GBP1: variants seen among roughly 807,000 people sequenced by gnomAD.
GBP1 encodes the protein guanylate binding protein 1, also known as guanylate-binding protein 1.
A neutral mutation model predicts 69.5 loss-of-function variants in GBP1; 64 were observed. The observed-to-expected ratio is 0.92, with a 90% CI of 0.75 to 1.13. The LOEUF is 1.13. Among genes scored for constraint, GBP1 ranks in the 50% most tolerant of loss-of-function variants. The probability of loss-of-function intolerance (pLI) is 0.00; values close to 1 mark genes in which losing one functional copy is unlikely to be tolerated. For synonymous variants in GBP1, 250 were observed against 261.2 expected, an observed-to-expected ratio of 0.96 and a Z score of 0.41; for missense variants, 630 against 704.1, an observed-to-expected ratio of 0.89 and a Z score of 1.19.
chr1:89,062,856 A>G (rs1557751592), intron 2 of GBP1, 189 bp downstream of exon 2: 2 of 653,920 alleles, frequency 3.1e-6, no homozygotes, highest in Non-Finnish European at 5.1e-6. Flanking sequence ...AAACTAAGGT[A>G]TCATGGGAAT....
chr1:89,064,294 T>C (rs6682273), intron 1 of GBP1, among the ~76,000 whole-genome samples: 114,333 of 147,184 alleles, frequency 0.78, 44,326 homozygotes, highest in African/African-American at 0.82. Context: ...AGACCAGAGG[T>C]GATGAATGAG....
intron 2 of GBP1, among the ~76,000 whole-genome samples, chr1:89,061,112 C>T (rs1411722965): frequency 6.6e-6 from 1 of 152,122 alleles, no homozygotes; most frequent in Non-Finnish European, 1.5e-5. Flanking sequence ...GTCACTACTA[C>T]CCAAAGTGAT....
chr1:89,055,294 TTC>T (rs71966196), intron 8 of GBP1, 79 bp from the exon 9 acceptor site: 1 of 1,591,832 alleles, frequency 6.3e-7, no homozygotes, highest in Non-Finnish European at 8.5e-7. Context: ...CTGCCATCCT[TTC>T]TCCTCTGGGA....
At chr1:89,059,250 G>A in intron 4 of GBP1, 67 bp downstream of exon 4, 6 of 1,613,936 alleles carry the variant, frequency 3.7e-6, no homozygotes, top group Non-Finnish European at 5.1e-6. Flanking sequence ...TTCACAGTCA[G>A]GCAGCTGGTG....
At chr1:89,055,355 A>G in intron 8 of GBP1, 140 bp from the exon 9 acceptor site, 1 of 1,413,476 alleles carries the variant, frequency 7.1e-7, no homozygotes, top group Non-Finnish European at 9.5e-7. Flanking sequence ...TCCCTGTCGG[A>G]GCGACAGACA....
rs774025055 is a variant in GBP1, at chr1:89,060,335, G to A, written c.191-11C>T. On this transcript the variant is annotated splice_polypyrimidine_tract_variant and intron_variant, in intron 2 of 10. Coordinates refer to ENST00000370473, the MANE Select transcript of GBP1 (RefSeq NM_002053.3). ...AGCCCAGAGAGAAGCCTGCAAGGGAGAGAGGAGACCAGCGATGGGGATTTA... is the reference window on the plus strand; with the variant it reads ...AGCCCAGAGAGAAGCCTGCAAGGGAAAGAGGAGACCAGCGATGGGGATTTA... 3.9e-6 allele frequency: 6 copies of A among 1,556,954 alleles called. No homozygotes were observed. In the South Asian group the frequency reaches 6.0e-5, roughly 16 times the overall value.
At chr1:89,058,349 A>C (rs1329988831) in intron 5 of GBP1, 115 bp from the exon 6 acceptor site, 2 of 877,130 alleles carry the variant, frequency 2.3e-6, no homozygotes, top group Admixed American at 2.4e-5. Flanking sequence ...CAAGTATTCA[A>C]CTCTGTTATT....
chr1:89,054,355 C>T (rs1260797949), intron 10 of GBP1, among the ~76,000 whole-genome samples: 2 of 152,174 alleles, frequency 1.3e-5, no homozygotes, highest in Non-Finnish European at 2.9e-5. Flanking sequence ...CCGCCTTGGC[C>T]TCCCAGAGTG....
intron 10 of GBP1, among the ~76,000 whole-genome samples, chr1:89,054,139 G>A (rs1570934634): frequency 6.6e-6 from 1 of 151,374 alleles, no homozygotes; most frequent in East Asian, 2.0e-4. Flanking sequence ...TCGCTCTGTT[G>A]CCCAGGCTGG....
chr1:89,060,059 T>A, intron 3 of GBP1, 138 bp downstream of exon 3: 2 of 759,506 alleles, frequency 2.6e-6, no homozygotes, highest in Non-Finnish European at 3.9e-6. Flanking sequence ...GACACTGGGA[T>A]TATTTGTGCT....
intron 10 of GBP1, 150 bp downstream of exon 10, chr1:89,054,532 A>G: frequency 1.4e-6 from 1 of 715,538 alleles, no homozygotes; most frequent in South Asian, 1.9e-5. Flanking sequence ...GTAGCCAGTC[A>G]GGCTGGACAG....
At position 89,057,083 on chromosome 1, in the gene GBP1, A is replaced by G; in HGVS notation, c.926T>C (p.Leu309Pro). The G allele has an allele frequency of 1.2e-6, 2 of 1,614,286 alleles. No individual in the cohort carries two copies. The highest frequency in any genetic ancestry group is 1.7e-6 in the Non-Finnish European group (2 of 1,180,042). ...TYVNAISSGD[L>P]PCMENAVLAL... ...CAGGACTGCGTTCTCCATGCACGGCAGATCCCCACTGCTGATGGCATTGAC... is the reference window on the plus strand; with the variant it reads ...CAGGACTGCGTTCTCCATGCACGGCGGATCCCCACTGCTGATGGCATTGAC... The change falls in exon 7 of 11, where the codon CTG becomes CCG. Residue 309 changes from leucine to proline, a missense_variant. Leu to Pro is a moderately conservative substitution (Grantham distance 98). Around this residue, in one of 5 missense-constraint regions of GBP1, gnomAD observed 367 missense variants for 369.5 expected, o/e 0.99. Transcript: ENST00000370473.
intron 10 of GBP1, among the ~76,000 whole-genome samples, chr1:89,053,818 C>G (rs1420856433): frequency 6.6e-6 from 1 of 152,198 alleles, no homozygotes; most frequent in African/African-American, 2.4e-5. Flanking sequence ...ACATAGCTCA[C>G]AACTCAAAAC....
At chr1:89,064,901 G>T (rs60160868) in intron 1 of GBP1, among the ~76,000 whole-genome samples, 51,240 of 152,024 alleles carry the variant, frequency 0.34, 9,239 homozygotes, top group African/African-American at 0.47. Context: ...CCTGTCTACT[G>T]GTGCCTAATT....
chr1:89,059,587 C>G (rs1570939349), intron 3 of GBP1, among the ~76,000 whole-genome samples, 161 bp from the exon 4 acceptor site: 1 of 128,642 alleles, frequency 7.8e-6, no homozygotes, highest in African/African-American at 2.9e-5. Flanking sequence ...AAGACAAATA[C>G]AAAAATTATT....
At chr1:89,055,283 C>T (rs1680014516) in intron 8 of GBP1, 68 bp from the exon 9 acceptor site, 1 of 1,599,160 alleles carries the variant, frequency 6.3e-7, no homozygotes, top group African/African-American at 1.4e-5. Flanking sequence ...TGTTTGTCTT[C>T]CTGCCATCCT....
At chr1:89,064,252 A>T (rs1421179961) in intron 1 of GBP1, among the ~76,000 whole-genome samples, 130 of 147,650 alleles carry the variant, frequency 8.8e-4, no homozygotes, top group African/African-American at 3.2e-3. Flanking sequence ...AGAGAGAGAG[A>T]GAGAGAGAGA....
At position 89,053,217 on chromosome 1, in the gene GBP1, C is replaced by A; in HGVS notation, c.*138G>T. On this transcript the variant is annotated 3_prime_UTR_variant, in exon 11 of 11. Coordinates refer to ENST00000370473, the MANE Select transcript of GBP1 (RefSeq NM_002053.3). ...TTTTAAGAAAAAACATGATTTTGAT[C>A]ATTGTACCACATGCCTTTATAAACT... 12 of 499,738 alleles carry A rather than the reference C, an allele frequency of 2.4e-5. No homozygotes were observed. The highest frequency in any genetic ancestry group is 3.3e-5 in the East Asian group (1 of 30,152). 31.0% of individuals were successfully genotyped at this position (499,738 alleles called of 1,614,324 possible).
rs750376099 is a variant in GBP1 at position 89,056,180 on chromosome 1, C to T, written c.1204G>A (p.Ala402Thr). ...RDDFCKQNQE[A>T]SSDRCSALLQ... ...AAAGCTGAGCAACGATCTGATGATG[C>T]TTCCTGATTCTGTTTACAAAAGTCA... The change falls in exon 8 of 11, where the codon GCA (alanine) becomes ACA (threonine). Residue 402 changes from alanine (A) to threonine (T), a missense_variant. Physicochemically the swap from Ala to Thr is moderately conservative, Grantham distance 58. Around this residue, in one of 5 missense-constraint regions of GBP1, gnomAD observed 367 missense variants for 369.5 expected, o/e 0.99. Coordinates refer to ENST00000370473, the MANE Select transcript of GBP1 (RefSeq NM_002053.3). The T allele has an allele frequency of 2.5e-6, 4 of 1,613,946 alleles. No homozygotes were observed. In the South Asian group the frequency reaches 4.4e-5, roughly 18 times the overall value.
Sources: allele counts gnomAD v4.1 joint callset (sites outside exome capture counted in the v4.1 genomes callset), GRCh38; gene constraint gnomAD v4.1.1; regional missense constraint gnomAD v4.1.1; transcripts MANE v1.5; gene names NCBI Gene and HGNC (gene_info 2026-07-23, HGNC 2026-07-21).